Variants in ENOX2 observed in about 807,000 individuals in gnomAD.
ENOX2 encodes the protein APK1 antigen.
A neutral mutation model predicts 45.0 loss-of-function variants in ENOX2; 36 were observed. The observed-to-expected ratio is 0.80, with a 90% CI of 0.61 to 1.06. ENOX2 has a LOEUF of 1.06. ENOX2 is among the 50% of genes least tolerant of loss of function. The pLI, the probability that ENOX2 is intolerant of heterozygous loss-of-function variation, is 0.00. For missense variants in ENOX2, 423 were observed against 462.5 expected (o/e 0.91, Z 0.78); for synonymous variants, 174 against 152.3 (o/e 1.14, Z -1.05).
At chrX:130,879,542 A>G (rs995660644) in intron 2 of ENOX2, among the ~76,000 whole-genome samples, 1 of 109,639 alleles carries the variant, frequency 9.1e-6, no homozygotes, top group Admixed American at 9.7e-5. Flanking sequence ...AATTATGTGT[A>G]TAAGTAAAAA....
intron 3 of ENOX2, among the ~76,000 whole-genome samples, chrX:130,745,540 T>C (rs1418670084): frequency 8.9e-6 from 1 of 112,174 alleles, no homozygotes; most frequent in Non-Finnish European, 1.9e-5. Context: ...ACAATGTGTT[T>C]GAAGAGCTAT....
At chrX:130,641,788 C>A (rs1402354507) in intron 10 of ENOX2, among the ~76,000 whole-genome samples, 1 of 104,642 alleles carries the variant, frequency 9.6e-6, no homozygotes, top group East Asian at 3.0e-4. Context: ...AGAAACGGAA[C>A]AACAAAGTCT....
chrX:130,773,682 T>G (rs1038328766), intron 3 of ENOX2, among the ~76,000 whole-genome samples: 2 of 112,283 alleles, frequency 1.8e-5, no homozygotes, highest in Non-Finnish European at 3.8e-5. Flanking sequence ...TGAGTATCTC[T>G]CTAATGGTTT....
intron 3 of ENOX2, among the ~76,000 whole-genome samples, chrX:130,755,962 G>T (rs2039344639): frequency 9.0e-6 from 1 of 111,113 alleles, no homozygotes; most frequent in African/African-American, 3.3e-5. Flanking sequence ...TTTACATCAT[G>T]GGGTCACATT....
At chrX:130,871,090 T>C (rs1280511618) in intron 2 of ENOX2, among the ~76,000 whole-genome samples, 2 of 111,652 alleles carry the variant, frequency 1.8e-5, no homozygotes, top group Non-Finnish European at 3.8e-5. Flanking sequence ...ACCAGTACCA[T>C]GAGCTAAGGC....
At chrX:130,675,080 C>T (rs1330094195) in intron 6 of ENOX2, among the ~76,000 whole-genome samples, 1 of 106,865 alleles carries the variant, frequency 9.4e-6, no homozygotes, top group African/African-American at 3.4e-5. Context: ...AATAAACATA[C>T]GTGTGCATAT....
In ENOX2 at chrX:130,623,805, A is replaced by T. The variant is rs1051571303; in HGVS notation, c.*1509T>A. ...TTCCAGTTGTCAAGACAGACTTGGC[A>T]TCTTTTTCCAACATTCTAGTAACCC... is the stretch of plus-strand genomic sequence containing the variant. On this transcript the variant is annotated 3_prime_UTR_variant, in exon 15 of 15. Transcript: ENST00000394363. 9.0e-6 allele frequency: 1 copy of T among 111,660 alleles called. No homozygotes were observed. The highest frequency in any genetic ancestry group is 1.9e-5 in the Non-Finnish European group (1 of 53,219). The allele number at this position is 111,660 out of a possible 1,213,427, so 9.2% of individuals were successfully genotyped here. A position where few individuals can be genotyped will look rare whatever the true frequency, so the allele number is the denominator to read the frequency against.
intron 10 of ENOX2, among the ~76,000 whole-genome samples, chrX:130,653,829 TA>T (rs1299877255): frequency 8.9e-6 from 1 of 112,294 alleles, no homozygotes; most frequent in Non-Finnish European, 1.9e-5. Context: ...ATTAGATTAA[TA>T]TTAAGGGAAC....
rs187841916 is a variant in ENOX2, at chrX:130,673,923, A to T, written c.461-3725T>A. ...GAAGGAAAAAATTCTGAAAGCAGCA[A>T]AAGAGAAGCATTTCTTTTCTCCTGT... is the stretch of plus-strand genomic sequence containing the variant. On this transcript the variant is annotated intron_variant, in intron 6 of 14. Coordinates refer to ENST00000394363, the MANE Select transcript of ENOX2 (RefSeq NM_006375.4). Among the ~76,000 whole-genome samples, 447 of 112,330 alleles carry T rather than the reference A, an allele frequency of 4.0e-3. 2 individuals are homozygous for T. Among genetic ancestry groups the T allele is most frequent in the African/African-American group, 0.014 (432 of 30,969 alleles).
At chrX:130,701,759 C>T (rs978976084) in intron 4 of ENOX2, among the ~76,000 whole-genome samples, 3 of 111,908 alleles carry the variant, frequency 2.7e-5, no homozygotes, top group Non-Finnish European at 5.6e-5. Flanking sequence ...ATTCACTGAT[C>T]CCAGATTGGC....
At chrX:130,831,661 T>C (rs759757026) in intron 2 of ENOX2, among the ~76,000 whole-genome samples, 17 of 111,911 alleles carry the variant, frequency 1.5e-4, no homozygotes, top group Non-Finnish European at 2.4e-4. Flanking sequence ...TTCCATGATA[T>C]CAAAGTAGGT....
At chrX:130,652,418 G>A (rs775299198) in intron 10 of ENOX2, among the ~76,000 whole-genome samples, 109 of 110,844 alleles carry the variant, frequency 9.8e-4, no homozygotes, top group Non-Finnish European at 1.4e-3. Context: ...AATTTTCTCA[G>A]GGCTTCAGCC....
At chrX:130,632,912 T>C (rs1273870546) in intron 12 of ENOX2, among the ~76,000 whole-genome samples, 1 of 112,338 alleles carries the variant, frequency 8.9e-6, no homozygotes, top group African/African-American at 3.2e-5. Context: ...CATCTGCTTC[T>C]GACCCCCTTA....
intron 10 of ENOX2, among the ~76,000 whole-genome samples, chrX:130,647,044 C>T (rs1401117571): frequency 8.9e-6 from 1 of 112,465 alleles, no homozygotes; most frequent in Non-Finnish European, 1.9e-5. Context: ...GCAGTGGGCA[C>T]TGTGTGTCCT....
intron 3 of ENOX2, among the ~76,000 whole-genome samples, chrX:130,724,944 T>C (rs1255699591): frequency 2.7e-5 from 3 of 111,091 alleles, no homozygotes; most frequent in Non-Finnish European, 3.8e-5. Flanking sequence ...CCAGTGCATA[T>C]TGGCTGACTA....
chrX:130,709,277 A>C lies in ENOX2; in HGVS notation c.-38-6023T>G, dbSNP rs1476351435. The C allele has an allele frequency of 3.3e-6, 4 of 1,205,697 alleles. No homozygotes were observed. In the East Asian group the frequency reaches 8.9e-5, roughly 27 times the overall value. On this transcript the variant is annotated intron_variant, in intron 3 of 14. Transcript: ENST00000394363. ...CTATTTCGTAGACCCACAGCCATCT[A>C]AAATCTCTTTGCATTGTGTGGTCCT...
At chrX:130,890,867 C>T (rs1043176655) in intron 2 of ENOX2, among the ~76,000 whole-genome samples, 1 of 113,036 alleles carries the variant, frequency 8.8e-6, no homozygotes, top group Non-Finnish European at 1.9e-5. Flanking sequence ...AGCTTGCTTG[C>T]CATGAAATGG....
chrX:130,637,422 T>C lies in ENOX2; in HGVS notation c.1130-12A>G, dbSNP rs5977331. On this transcript the variant is annotated splice_polypyrimidine_tract_variant and intron_variant, in intron 10 of 14. Transcript: ENST00000394363. ...CTGTGATACTAAGGCTAACAATCAA[T>C]ATAAAATATGAAACCATATATCCAG... is the stretch of plus-strand genomic sequence containing the variant. 1.7e-3 allele frequency: 2,039 copies of C among 1,184,944 alleles called. 22 individuals are homozygous for C. In the African/African-American group the frequency reaches 0.031, roughly 18 times the overall value.
intron 2 of ENOX2, among the ~76,000 whole-genome samples, chrX:130,824,787 C>T (rs749701338): frequency 2.0e-3 from 224 of 111,432 alleles, no homozygotes; most frequent in African/African-American, 6.9e-3. Context: ...GCTAATAAAC[C>T]TCACTAATAA....
Sources: gnomAD v4.1 joint callset for allele counts (sites outside exome capture counted in the v4.1 genomes callset) on GRCh38, gnomAD v4.1.1 for gene constraint, MANE v1.5 for transcripts, NCBI Gene and HGNC (gene_info 2026-07-23, HGNC 2026-07-21) for gene names.